PIK3CG: variants seen among roughly 807,000 people sequenced by gnomAD.
The protein encoded by PIK3CG is phosphatidylinositol-4,5-bisphosphate 3-kinase catalytic subunit gamma.
In PIK3CG, 55 loss-of-function variants were observed where a neutral mutation model predicts 102.3. The observed-to-expected ratio is 0.54, with a 90% CI of 0.43 to 0.67. The LOEUF is 0.67. Ranked by LOEUF, PIK3CG falls within the 30% of genes least tolerant of loss-of-function variation. The pLI, the probability that PIK3CG is intolerant of heterozygous loss-of-function variation, is 0.00. For synonymous variants in PIK3CG, 552 were observed against 540.0 expected (o/e 1.02, Z -0.31); for missense variants, 1,258 against 1,391.8 (o/e 0.90, Z 1.53).
Position 106,869,526 on chromosome 7 carries a change from T to G in PIK3CG, c.1965T>G (p.Asp655Glu). 1 of 1,613,110 alleles carries G rather than the reference T, an allele frequency of 6.2e-7. No homozygotes were observed. Residue 655 changes from aspartate to glutamate, a missense_variant, in exon 2 of 11, where the codon GAT (aspartate) becomes GAG (glutamate). This residue lies in a region of PIK3CG where 426 missense variants were observed against 604.2 expected (regional missense o/e 0.71). Coordinates refer to ENST00000496166, the MANE Select transcript of PIK3CG (RefSeq NM_001282426.2). This position sits in a 1 kb window ranked among gnomAD's most constrained non-coding sequence, Gnocchi z 5.3. The part of the protein sequence containing the change: ...VQKLESLEDD[D>E]VLHYLLQLVQ... The stretch of plus-strand genomic sequence containing the variant: ...AACTGGAGAGCTTGGAGGACGATGA[T>G]GTTCTGCATTACCTTCTACAATTGG...
chr7:106,890,135 T>C lies in PIK3CG; in HGVS notation c.3030+3843T>C, dbSNP rs1275408616. On this transcript the variant is annotated intron_variant, in intron 10 of 10. Coordinates refer to ENST00000496166, the MANE Select transcript of PIK3CG (RefSeq NM_001282426.2). This position sits in a 1 kb window ranked among gnomAD's most constrained non-coding sequence, Gnocchi z 4.2. ...TATTTATATCATTGGCAAATGAAAT[T>C]TGGCTTCTAAGTTTTTTAAATGTCA... Among the ~76,000 whole-genome samples the C allele has an allele frequency of 6.6e-6, 1 of 152,258 alleles. No homozygotes were observed. The highest frequency in any genetic ancestry group is 1.5e-5 in the Non-Finnish European group (1 of 68,048).
intron 10 of PIK3CG, among the ~76,000 whole-genome samples, chr7:106,896,684 G>A (rs568381768): frequency 5.9e-5 from 9 of 152,282 alleles, no homozygotes; most frequent in African/African-American, 1.2e-4. Flanking sequence ...CAAGTCTCCC[G>A]CTTCTTGGTG....
At position 106,880,050 on chromosome 7, in the gene PIK3CG, C is replaced by T. The variant is rs1206075556; in HGVS notation, c.2538+385C>T. ...TCTAGGCACTCTTTTAGATACATCT[C>T]CTCTGATGCACATAAACAAATCAAG... On this transcript the variant is annotated intron_variant, in intron 6 of 10. Transcript: ENST00000496166. The surrounding 1 kb of genome is among the most constrained non-coding windows in gnomAD (Gnocchi z 4.2). Among the ~76,000 whole-genome samples the T allele has an allele frequency of 2.0e-5, 3 of 152,184 alleles. No homozygotes were observed. Among genetic ancestry groups the T allele is most frequent in the Admixed American group, 1.3e-4 (2 of 15,284 alleles).
chr7:106,868,595 A>G lies in PIK3CG; in HGVS notation c.1034A>G (p.Asp345Gly), dbSNP rs1432929391. 1 of 1,614,180 alleles carries G rather than the reference A, an allele frequency of 6.2e-7. No homozygotes were observed. Among genetic ancestry groups the G allele is most frequent in the Non-Finnish European group, 8.5e-7 (1 of 1,180,038 alleles). ...YHEQLTIHGK[D>G]HESVFTVSLW... ...GAGCAGCTTACCATCCACGGCAAGG[A>G]CCACGAGAGTGTGTTCACCGTGTCC... Residue 345 changes from aspartate (D) to glycine (G), a missense_variant, in exon 2 of 11, where the codon GAC becomes GGC. Physicochemically the swap from Asp to Gly is moderately conservative, Grantham distance 94. This residue lies in a region of PIK3CG where 832 missense variants were observed against 787.5 expected (regional missense o/e 1.06). Coordinates refer to ENST00000496166, the MANE Select transcript of PIK3CG (RefSeq NM_001282426.2). This position sits in a 1 kb window ranked among gnomAD's most constrained non-coding sequence, Gnocchi z 6.2.
rs1222930542 is a variant in PIK3CG, at chr7:106,867,228, G to A, written c.-12-322G>A. 6.6e-6 allele frequency among the ~76,000 whole-genome samples: 1 copy of A among 152,080 alleles called. No homozygotes were observed. The highest frequency in any genetic ancestry group is 1.5e-5 in the Non-Finnish European group (1 of 68,032). ...ACGACCAATAAGCCCCCATATACCT[G>A]TCACCCATATTGAACAAGTATTACT... On this transcript the variant is annotated intron_variant, in intron 1 of 10. Transcript: ENST00000496166. The surrounding 1 kb of genome is among the most constrained non-coding windows in gnomAD (Gnocchi z 5.1).
rs1791487481 is a variant in PIK3CG at position 106,899,331 on chromosome 7, C to T, written c.3031-5778C>T. Reference sequence around the variant, plus strand: ...AAACAAAGATAGTTTGACTTCCTTTCTTCCTATTTAGATGTTCTTTATTTC... The same window carrying T: ...AAACAAAGATAGTTTGACTTCCTTTTTTCCTATTTAGATGTTCTTTATTTC... On this transcript the variant is annotated intron_variant, in intron 10 of 10. Coordinates refer to ENST00000496166, the MANE Select transcript of PIK3CG (RefSeq NM_001282426.2). The surrounding 1 kb of genome is among the most constrained non-coding windows in gnomAD (Gnocchi z 4.6). Among the ~76,000 whole-genome samples, 1 of 152,084 alleles carries T rather than the reference C, an allele frequency of 6.6e-6. No homozygotes were observed. Among genetic ancestry groups the T allele is most frequent in the Admixed American group, 6.5e-5 (1 of 15,268 alleles).
At position 106,879,589 on chromosome 7, in the gene PIK3CG, C is replaced by T. The variant is rs1300857779; in HGVS notation, c.2462C>T (p.Thr821Ile). 2 of 1,612,226 alleles carry T rather than the reference C, an allele frequency of 1.2e-6. No individual in the cohort carries two copies. Among genetic ancestry groups the T allele is most frequent in the Non-Finnish European group, 1.7e-6 (2 of 1,178,250 alleles). The change falls in exon 6 of 11, where the codon ACA becomes ATA. Residue 821 changes from threonine (T) to isoleucine (I), a missense_variant. Physicochemically the swap from Thr to Ile is moderately conservative, Grantham distance 89. Coordinates refer to ENST00000496166, the MANE Select transcript of PIK3CG (RefSeq NM_001282426.2). This position sits in a 1 kb window ranked among gnomAD's most constrained non-coding sequence, Gnocchi z 4.9. Reference protein sequence around the residue: ...LWLEFKCADPTALSNETIGII... With the variant: ...LWLEFKCADPIALSNETIGII... ...CTTGAGTTTAAATGTGCCGATCCTA[C>T]AGCCCTATCAAATGAAACAATTGGA...
rs544010724 is a variant in PIK3CG at position 106,872,629 on chromosome 7, G to A, written c.2061+27G>A. On this transcript the variant is annotated intron_variant, in intron 3 of 10. Transcript: ENST00000496166. This position sits in a 1 kb window ranked among gnomAD's most constrained non-coding sequence, Gnocchi z 5.3. ...TAAGTACTTCCATTTTGATAATAGCGTGAAATTTTAAGTTGCCAAGAATTA... is the reference window on the plus strand; with the variant it reads ...TAAGTACTTCCATTTTGATAATAGCATGAAATTTTAAGTTGCCAAGAATTA... 43 of 1,608,598 alleles carry A rather than the reference G, an allele frequency of 2.7e-5. No individual in the cohort carries two copies. In the East Asian group the frequency reaches 6.2e-4, roughly 23 times the overall value.
rs1366454239 is a variant in PIK3CG, at chr7:106,880,494, G to C, written c.2538+829G>C. On this transcript the variant is annotated intron_variant, in intron 6 of 10. Coordinates refer to ENST00000496166, the MANE Select transcript of PIK3CG (RefSeq NM_001282426.2). The surrounding 1 kb of genome is among the most constrained non-coding windows in gnomAD (Gnocchi z 4.2). ...AGAATGATCTATGTTTTGTCCAGGAGGTATTTTAGAAAAGAAAAAGAGAAA... is the reference window on the plus strand; with the variant it reads ...AGAATGATCTATGTTTTGTCCAGGACGTATTTTAGAAAAGAAAAAGAGAAA... Among the ~76,000 whole-genome samples the C allele has an allele frequency of 6.6e-6, 1 of 151,918 alleles. No individual in the cohort carries two copies. The highest frequency in any genetic ancestry group is 1.5e-5 in the Non-Finnish European group (1 of 68,002).
At chr7:106,873,027 C>A in intron 4 of PIK3CG, 89 bp downstream of exon 4, 1 of 985,002 alleles carries the variant, frequency 1.0e-6, no homozygotes, top group African/African-American at 1.6e-5. Flanking sequence ...TTCCTGGAAT[C>A]CAAGTTGCAT....
Position 106,879,740 on chromosome 7 carries a change from C to A in PIK3CG, c.2538+75C>A. 9.3e-7 allele frequency: 1 copy of A among 1,077,818 alleles called. No homozygotes were observed. Among genetic ancestry groups the A allele is most frequent in the Non-Finnish European group, 1.4e-6 (1 of 719,186 alleles). 66.8% of individuals were successfully genotyped at this position (1,077,818 alleles called of 1,614,324 possible). On this transcript the variant is annotated intron_variant, in intron 6 of 10. Coordinates refer to ENST00000496166, the MANE Select transcript of PIK3CG (RefSeq NM_001282426.2). The surrounding 1 kb of genome is among the most constrained non-coding windows in gnomAD (Gnocchi z 4.9). The stretch of plus-strand genomic sequence containing the variant: ...TACATCAAAAACATGCTTTCTCCTA[C>A]TGGCTCTATTCCCACTCTCTTCTTT...
rs746034757 is a variant in PIK3CG at position 106,868,217 on chromosome 7, G to C, written c.656G>C (p.Cys219Ser). The change falls in exon 2 of 11, where the codon TGC (cysteine) becomes TCC (serine). Residue 219 changes from cysteine to serine, a missense_variant. Cys to Ser is a moderately radical substitution (Grantham distance 112). Coordinates refer to ENST00000496166, the MANE Select transcript of PIK3CG (RefSeq NM_001282426.2). The surrounding 1 kb of genome is among the most constrained non-coding windows in gnomAD (Gnocchi z 6.2). ...EYLWKKIANNCIFIVIHRSTT... is the reference protein window; with the variant it reads ...EYLWKKIANNSIFIVIHRSTT... ...CTGTGGAAGAAGATTGCCAACAACT[G>C]CATCTTCATCGTCATTCACCGCAGC... The C allele has an allele frequency of 1.2e-6, 2 of 1,612,396 alleles. No homozygotes were observed. The highest frequency in any genetic ancestry group is 1.7e-6 in the Non-Finnish European group (2 of 1,180,002).
At chr7:106,886,637 A>G (rs192707593) in intron 10 of PIK3CG, among the ~76,000 whole-genome samples, 255 of 152,328 alleles carry the variant, frequency 1.7e-3, no homozygotes, top group African/African-American at 6.0e-3. Context: ...ATATTTGTCT[A>G]TTCAAGACCT....
chr7:106,882,041 CT>C (rs2116536191), intron 6 of PIK3CG, 75 bp from the exon 7 acceptor site: 1 of 522,298 alleles, frequency 1.9e-6, no homozygotes, highest in East Asian at 3.7e-5. Context: ...GATATGATTG[CT>C]ATTTTTAAGG....
At chr7:106,898,734 C>A (rs1791469935) in intron 10 of PIK3CG, among the ~76,000 whole-genome samples, 3 of 152,122 alleles carry the variant, frequency 2.0e-5, no homozygotes, top group South Asian at 2.1e-4. Flanking sequence ...CTCCTTTGGT[C>A]TCTGTGCCTG....
Position 106,869,027 on chromosome 7 carries a change from G to A in PIK3CG, c.1466G>A (p.Gly489Glu), listed in dbSNP as rs147304217. 2 of 1,614,134 alleles carry A rather than the reference G, an allele frequency of 1.2e-6. No individual in the cohort carries two copies. Among genetic ancestry groups the A allele is most frequent in the South Asian group, 2.2e-5 (2 of 91,080 alleles). Residue 489 changes from glycine (G) to glutamate (E), a missense_variant, in exon 2 of 11, where the codon GGG becomes GAG. Around this residue, in one of 2 missense-constraint regions of PIK3CG, gnomAD observed 832 missense variants for 787.5 expected, o/e 1.06. Transcript: ENST00000496166. This position sits in a 1 kb window ranked among gnomAD's most constrained non-coding sequence, Gnocchi z 5.3. Reference protein sequence around the residue: ...EYVLHMWQISGKGEDQGSFNA... With the variant: ...EYVLHMWQISEKGEDQGSFNA... ...GTCCTCCACATGTGGCAGATATCTGGGAAGGGAGAAGACCAAGGAAGCTTC... is the reference window on the plus strand; with the variant it reads ...GTCCTCCACATGTGGCAGATATCTGAGAAGGGAGAAGACCAAGGAAGCTTC...
In PIK3CG at chr7:106,872,567, G is replaced by A. The variant is rs758968659; in HGVS notation, c.2026G>A (p.Ala676Thr). ...AVKFEPYHDS[A>T]LARFLLKRGL... ...GAAATTTGAACCATACCATGATAGC[G>A]CCCTTGCCAGATTTCTGCTGAAGCG... is the stretch of plus-strand genomic sequence containing the variant. The change falls in exon 3 of 11, where the codon GCC (alanine) becomes ACC (threonine). Residue 676 changes from alanine to threonine, a missense_variant. Coordinates refer to ENST00000496166, the MANE Select transcript of PIK3CG (RefSeq NM_001282426.2). The surrounding 1 kb of genome is among the most constrained non-coding windows in gnomAD (Gnocchi z 5.3). 43 of 1,613,684 alleles carry A rather than the reference G, an allele frequency of 2.7e-5. No individual in the cohort carries two copies. In the East Asian group the frequency reaches 3.1e-4, roughly 12 times the overall value.
rs757119720 is a variant in PIK3CG, at chr7:106,879,664, A to G, written c.2537A>G (p.Gln846Arg). The change falls in exon 6 of 11, where the codon CAG (glutamine) becomes CGG (arginine). Residue 846 changes from glutamine to arginine, a missense_variant and splice_region_variant. Gln to Arg is a conservative substitution (Grantham distance 43). This residue lies in a region of PIK3CG where 426 missense variants were observed against 604.2 expected (regional missense o/e 0.71). Coordinates refer to ENST00000496166, the MANE Select transcript of PIK3CG (RefSeq NM_001282426.2). The surrounding 1 kb of genome is among the most constrained non-coding windows in gnomAD (Gnocchi z 4.9). ...CTGCGCCAAGACATGCTTATTTTAC[A>G]GGTATGCTAATTTTAAGATTGTTTT... ...DDLRQDMLIL[Q>R]ILRIMESIWE... 146 of 1,604,500 alleles carry G rather than the reference A, an allele frequency of 9.1e-5. No individual in the cohort carries two copies. The highest frequency in any genetic ancestry group is 1.2e-4 in the Non-Finnish European group (138 of 1,174,708).
chr7:106,889,448 C>A (rs1476032760), intron 10 of PIK3CG, among the ~76,000 whole-genome samples: 1 of 152,020 alleles, frequency 6.6e-6, no homozygotes, highest in African/African-American at 2.4e-5. Context: ...GATCAGGGAC[C>A]ACATCTCTAA....
Sources: allele counts gnomAD v4.1 joint callset (sites outside exome capture counted in the v4.1 genomes callset), GRCh38; gene constraint gnomAD v4.1.1; regional missense constraint gnomAD v4.1.1; non-coding constraint Gnocchi (gnomAD v3.1); transcripts MANE v1.5; gene names NCBI Gene and HGNC (gene_info 2026-07-23, HGNC 2026-07-21).